TBC1D4: variants seen among roughly 807,000 people sequenced by gnomAD.
TBC1D4 encodes the protein TBC1 domain family member 4, also known as TBC (Tre-2, BUB2, CDC16) domain-containing protein.
A neutral mutation model predicts 142.5 loss-of-function variants in TBC1D4; 121 were observed. The ratio of observed to expected loss-of-function variants is 0.85; its 90% CI spans 0.73 to 0.99. The LOEUF is 0.99. Ranked by LOEUF, TBC1D4 falls within the 50% of genes least tolerant of loss-of-function variation. The pLI is 0.00. For synonymous variants in TBC1D4, 630 were observed against 628.2 expected (o/e 1.00, Z -0.04); for missense variants, 1,475 against 1,606.6 (o/e 0.92, Z 1.40).
Position 75,286,918 on chromosome 13 carries a change from A to G in TBC1D4, c.3771T>C (p.Ala1257=). 6.2e-7 allele frequency: 1 copy of G among 1,614,008 alleles called. No individual in the cohort carries two copies. The highest frequency in any genetic ancestry group is 8.5e-7 in the Non-Finnish European group (1 of 1,179,974). Residue 1257 remains alanine (A), a synonymous_variant, in exon 21 of 21, where the codon GCT becomes GCC. Coordinates refer to ENST00000377636, the MANE Select transcript of TBC1D4 (RefSeq NM_014832.5). ...LIRTLEQEKM[A]YQKTVEQLRK... The stretch of plus-strand genomic sequence containing the variant: ...GGAGTTGCTCCACTGTCTTTTGATA[A>G]GCCATTTTTTCTTGTTCCAGGGTCC...
intron 18 of TBC1D4, among the ~76,000 whole-genome samples, chr13:75,294,154 T>C (rs1255235574): frequency 1.3e-5 from 2 of 152,222 alleles, no homozygotes; most frequent in Non-Finnish European, 2.9e-5. Flanking sequence ...TAGACTAGTA[T>C]AAAGACTTGT....
intron 1 of TBC1D4, among the ~76,000 whole-genome samples, chr13:75,374,383 A>T (rs1883385410): frequency 6.6e-6 from 1 of 152,238 alleles, no homozygotes; most frequent in Non-Finnish European, 1.5e-5. Flanking sequence ...TCAAACATAC[A>T]TAAAATTTTA....
chr13:75,300,702 C>A (rs1876446665), intron 16 of TBC1D4, among the ~76,000 whole-genome samples: 1 of 152,148 alleles, frequency 6.6e-6, no homozygotes, highest in East Asian at 1.9e-4. Flanking sequence ...CACTTTCTAT[C>A]CATTAACTTG....
chr13:75,362,078 G>A lies in TBC1D4; in HGVS notation c.1028C>T (p.Pro343Leu). The part of the protein sequence containing the change: ...SQPRRRHASA[P>L]SHVQPSDSEK... ...CGAGTCCGAGGGCTGGACGTGACTG[G>A]GTGCGCTCGCGTGTCTCCGTCGCGG... Residue 343 changes from proline to leucine, a missense_variant, in exon 2 of 21, where the codon CCC becomes CTC. Coordinates refer to ENST00000377636, the MANE Select transcript of TBC1D4 (RefSeq NM_014832.5). This position sits in a 1 kb window ranked among gnomAD's most constrained non-coding sequence, Gnocchi z 4.2. The A allele has an allele frequency of 6.2e-7, 1 of 1,614,114 alleles. No individual in the cohort carries two copies. Among genetic ancestry groups the A allele is most frequent in the Non-Finnish European group, 8.5e-7 (1 of 1,180,026 alleles).
At chr13:75,431,743 T>A (rs1158405335) in intron 1 of TBC1D4, among the ~76,000 whole-genome samples, 1 of 152,224 alleles carries the variant, frequency 6.6e-6, no homozygotes, top group Non-Finnish European at 1.5e-5. Context: ...TTCACTGAAT[T>A]AACATTTACT....
intron 5 of TBC1D4, among the ~76,000 whole-genome samples, chr13:75,345,859 G>C (rs1881108610): frequency 6.6e-6 from 1 of 152,288 alleles, no homozygotes; most frequent in African/African-American, 2.4e-5. Flanking sequence ...TTTAGAGCCA[G>C]CTTCTGACAA....
chr13:75,477,085 G>A (rs1399522562), intron 1 of TBC1D4, among the ~76,000 whole-genome samples: 2 of 152,152 alleles, frequency 1.3e-5, no homozygotes, highest in Non-Finnish European at 2.9e-5. Context: ...CTCCACTTCA[G>A]ACTGCAAGGA....
intron 1 of TBC1D4, among the ~76,000 whole-genome samples, chr13:75,458,271 T>C (rs561120528): frequency 6.6e-6 from 1 of 152,276 alleles, no homozygotes; most frequent in South Asian, 2.1e-4. Context: ...GGCTGTCCCC[T>C]GGCCAATCTC....
chr13:75,446,036 G>GT (rs1420789846), intron 1 of TBC1D4, among the ~76,000 whole-genome samples: 2 of 152,222 alleles, frequency 1.3e-5, no homozygotes, highest in Non-Finnish European at 2.9e-5. Context: ...CTAACAGAAT[G>GT]TTTAAGTATT....
Position 75,307,558 on chromosome 13 carries a change from G to A in TBC1D4, c.2594-1087C>T, listed in dbSNP as rs116421166. On this transcript the variant is annotated intron_variant, in intron 14 of 20. Transcript: ENST00000377636. ...CAATCTGTATTCATGCATGCTCACAGCGCTCGGCCACCTTACCTCCTGCAA... is the reference window on the plus strand; with the variant it reads ...CAATCTGTATTCATGCATGCTCACAACGCTCGGCCACCTTACCTCCTGCAA... 3.8e-3 allele frequency among the ~76,000 whole-genome samples: 585 copies of A among 152,238 alleles called. 7 individuals are homozygous for A. The highest frequency in any genetic ancestry group is 0.013 in the African/African-American group (559 of 41,548).
intron 5 of TBC1D4, among the ~76,000 whole-genome samples, chr13:75,346,239 T>C (rs1881136086): frequency 2.2e-5 from 1 of 46,032 alleles, no homozygotes; most frequent in Non-Finnish European, 5.5e-5. Flanking sequence ...CGTGCCATGG[T>C]GCACCCATCA....
intron 17 of TBC1D4, among the ~76,000 whole-genome samples, chr13:75,297,516 G>C (rs1322370261): frequency 5.9e-5 from 9 of 152,126 alleles, no homozygotes; most frequent in Middle Eastern, 6.3e-3. Context: ...CACTTTGGGA[G>C]GTCAAGGCAG....
At chr13:75,474,975 T>TA (rs947235177) in intron 1 of TBC1D4, among the ~76,000 whole-genome samples, 2 of 152,158 alleles carry the variant, frequency 1.3e-5, no homozygotes, top group Non-Finnish European at 2.9e-5. Context: ...TTCTCATCTA[T>TA]AAAATGAAGG....
intron 1 of TBC1D4, among the ~76,000 whole-genome samples, chr13:75,446,707 TCA>T (rs1342147528): frequency 6.6e-6 from 1 of 152,236 alleles, no homozygotes; most frequent in Non-Finnish European, 1.5e-5. Flanking sequence ...AACCGCAGTT[TCA>T]CAGTGTATAC....
At chr13:75,449,881 A>T (rs1204080401) in intron 1 of TBC1D4, among the ~76,000 whole-genome samples, 1 of 152,168 alleles carries the variant, frequency 6.6e-6, no homozygotes, top group East Asian at 1.9e-4. Context: ...CATCGTGCCC[A>T]GCCAAATGTA....
rs112415719 is a variant in TBC1D4, at chr13:75,371,667, G to C, written c.499-9060C>G. Among the ~76,000 whole-genome samples the C allele has an allele frequency of 1.8e-3, 277 of 152,270 alleles. 3 individuals are homozygous for C. Among genetic ancestry groups the C allele is most frequent in the African/African-American group, 6.3e-3 (261 of 41,560 alleles). On this transcript the variant is annotated intron_variant, in intron 1 of 20. Transcript: ENST00000377636. ...TCAAGCTTCCTGTGTTCTCTGGATTGCTAAATGTGACCCCTACATGGCATC... is the reference window on the plus strand; with the variant it reads ...TCAAGCTTCCTGTGTTCTCTGGATTCCTAAATGTGACCCCTACATGGCATC...
At chr13:75,454,879 C>T (rs539732742) in intron 1 of TBC1D4, among the ~76,000 whole-genome samples, 1 of 152,238 alleles carries the variant, frequency 6.6e-6, no homozygotes, top group Admixed American at 6.5e-5. Flanking sequence ...AAATGTACTC[C>T]AATATAACCT....
At chr13:75,291,444 C>T (rs1875297853) in intron 19 of TBC1D4, among the ~76,000 whole-genome samples, 1 of 152,172 alleles carries the variant, frequency 6.6e-6, no homozygotes, top group Admixed American at 6.5e-5. Context: ...AGTTCCTTCG[C>T]ACCTGGACAG....
chr13:75,372,664 C>CA (rs1054466633), intron 1 of TBC1D4, among the ~76,000 whole-genome samples: 2 of 151,038 alleles, frequency 1.3e-5, no homozygotes, highest in African/African-American at 4.9e-5. Flanking sequence ...TAGTTTAAAC[C>CA]AAAAAAAAAT....
Sources: gnomAD v4.1 joint callset for allele counts (sites outside exome capture counted in the v4.1 genomes callset) on GRCh38, gnomAD v4.1.1 for gene constraint, Gnocchi (gnomAD v3.1) non-coding constraint, MANE v1.5 for transcripts, NCBI Gene and HGNC (gene_info 2026-07-23, HGNC 2026-07-21) for gene names.